Variants in ZNF423 observed in about 807,000 individuals in gnomAD.
ZNF423 encodes Ebf-associated zinc finger protein.
ZNF423 carries 12 observed loss-of-function variants against 95.8 expected under a neutral mutation model. That is an observed-to-expected ratio of 0.13 (90% CI 0.08 to 0.20). ZNF423 has a LOEUF of 0.20. ZNF423 is among the 10% of genes least tolerant of loss of function. The pLI is 1.00. For missense variants in ZNF423, 1,316 were observed against 1,737.1 expected (o/e 0.76, Z 4.31); for synonymous variants, 749 against 711.9 (o/e 1.05, Z -0.83).
At chr16:49,579,944 C>T (rs1240804404) in intron 5 of ZNF423, among the ~76,000 whole-genome samples, 8 of 152,110 alleles carry the variant, frequency 5.3e-5, no homozygotes, top group Admixed American at 2.0e-4. Flanking sequence ...TATACCTTGA[C>T]GCAGCCTCCC....
intron 2 of ZNF423, among the ~76,000 whole-genome samples, chr16:49,743,844 C>G (rs2033465892): frequency 6.6e-6 from 1 of 152,180 alleles, no homozygotes; most frequent in South Asian, 2.1e-4. Flanking sequence ...AGTTGCCAGG[C>G]ATGGAGACAG....
intron 2 of ZNF423, among the ~76,000 whole-genome samples, chr16:49,740,423 G>A (rs766793505): frequency 5.6e-4 from 85 of 152,308 alleles, no homozygotes; most frequent in Non-Finnish European, 9.3e-4. Context: ...TTCCGCACTC[G>A]GCTTGTGCAT....
At chr16:49,555,797 A>G (rs1424259619) in intron 5 of ZNF423, among the ~76,000 whole-genome samples, 1 of 152,172 alleles carries the variant, frequency 6.6e-6, no homozygotes, top group Non-Finnish European at 1.5e-5. Flanking sequence ...ATGGATGGAC[A>G]GATGAAATGA....
chr16:49,725,991 G>T (rs117806206), intron 3 of ZNF423, among the ~76,000 whole-genome samples: 2 of 152,202 alleles, frequency 1.3e-5, no homozygotes, highest in Non-Finnish European at 2.9e-5. Context: ...CCTGGAGCCC[G>T]CAGTCTTACT....
At chr16:49,753,259 TA>T (rs2033664715) in intron 2 of ZNF423, among the ~76,000 whole-genome samples, 1 of 150,642 alleles carries the variant, frequency 6.6e-6, no homozygotes, top group African/African-American at 2.4e-5. Context: ...AAAATAATAA[TA>T]ATCAGAAAAT....
chr16:49,619,994 G>A (rs1323096399), intron 5 of ZNF423, among the ~76,000 whole-genome samples: 2 of 152,012 alleles, frequency 1.3e-5, no homozygotes, highest in African/African-American at 4.8e-5. Flanking sequence ...ACGGGGCCAG[G>A]GTCCAAATGG....
At chr16:49,592,628 G>A (rs558508205) in intron 5 of ZNF423, among the ~76,000 whole-genome samples, 3 of 152,334 alleles carry the variant, frequency 2.0e-5, no homozygotes, top group Admixed American at 6.5e-5. Context: ...CCAGGGCATC[G>A]CTGTAAAGCC....
intron 1 of ZNF423, among the ~76,000 whole-genome samples, chr16:49,843,488 T>C (rs1449334653): frequency 6.6e-6 from 1 of 152,236 alleles, no homozygotes; most frequent in Non-Finnish European, 1.5e-5. Flanking sequence ...CCTAGGATGA[T>C]ACTGATGTGC....
intron 5 of ZNF423, among the ~76,000 whole-genome samples, chr16:49,551,830 G>T (rs1969651567): frequency 6.6e-6 from 1 of 152,178 alleles, no homozygotes; most frequent in South Asian, 2.1e-4. Context: ...AGCCAGGAAG[G>T]CATCTGACAT....
At chr16:49,620,348 C>A (rs1596727428) in intron 5 of ZNF423, among the ~76,000 whole-genome samples, 1 of 152,158 alleles carries the variant, frequency 6.6e-6, no homozygotes, top group Non-Finnish European at 1.5e-5. Context: ...AGGACAGAAG[C>A]TGGCACTGGG....
intron 5 of ZNF423, among the ~76,000 whole-genome samples, chr16:49,610,295 T>C (rs1326161040): frequency 6.6e-6 from 1 of 152,204 alleles, no homozygotes; most frequent in Non-Finnish European, 1.5e-5. Context: ...CCTTCTCTTC[T>C]TGAGTTTTCT....
At chr16:49,795,168 G>A (rs746269897) in intron 1 of ZNF423, among the ~76,000 whole-genome samples, 8 of 152,146 alleles carry the variant, frequency 5.3e-5, no homozygotes, top group Non-Finnish European at 7.3e-5. Context: ...CACTGCACCC[G>A]GCCCAAATTT....
chr16:49,557,724 T>C (rs759002090), intron 5 of ZNF423, among the ~76,000 whole-genome samples: 3 of 152,030 alleles, frequency 2.0e-5, no homozygotes, highest in African/African-American at 7.2e-5. Context: ...CAGAAACTCA[T>C]CTCCCATGAA....
At chr16:49,822,453 C>A (rs1460567068) in intron 1 of ZNF423, among the ~76,000 whole-genome samples, 6 of 152,148 alleles carry the variant, frequency 3.9e-5, no homozygotes, top group Non-Finnish European at 8.8e-5. Context: ...GGATTACAGG[C>A]ATGAGCCACC....
chr16:49,602,411 T>G (rs1163314291), intron 5 of ZNF423, among the ~76,000 whole-genome samples: 1 of 152,132 alleles, frequency 6.6e-6, no homozygotes, highest in African/African-American at 2.4e-5. Context: ...CAGCCCAGGC[T>G]GAGGGTGGGG....
intron 7 of ZNF423, among the ~76,000 whole-genome samples, chr16:49,504,808 C>T (rs1452911180): frequency 1.3e-5 from 2 of 152,164 alleles, no homozygotes; most frequent in African/African-American, 4.8e-5. Context: ...CTGAGCCATC[C>T]ACTGTTGTCT....
intron 2 of ZNF423, among the ~76,000 whole-genome samples, chr16:49,735,013 C>T (rs2033252483): frequency 6.6e-6 from 1 of 152,134 alleles, no homozygotes; most frequent in African/African-American, 2.4e-5. Flanking sequence ...CTCTTAACCA[C>T]TCTACTACAT....
At chr16:49,687,654 CA>C (rs1466025505) in intron 3 of ZNF423, among the ~76,000 whole-genome samples, 3 of 152,130 alleles carry the variant, frequency 2.0e-5, no homozygotes, top group African/African-American at 7.2e-5. Flanking sequence ...AATGAGGAAC[CA>C]GGGGGGCCTT....
At chr16:49,507,734 C>T (rs1967702279) in intron 7 of ZNF423, among the ~76,000 whole-genome samples, 1 of 152,214 alleles carries the variant, frequency 6.6e-6, no homozygotes, top group African/African-American at 2.4e-5. Context: ...GAGTCAAGAG[C>T]ATTTCTAGTG....
Sources: allele counts gnomAD v4.1 joint callset (sites outside exome capture counted in the v4.1 genomes callset), GRCh38; gene constraint gnomAD v4.1.1; transcripts MANE v1.5; gene names NCBI Gene and HGNC (gene_info 2026-07-23, HGNC 2026-07-21).